ROBO1: variants seen among roughly 807,000 people sequenced by gnomAD.
ROBO1 encodes roundabout guidance receptor 1.
In ROBO1, 149 loss-of-function variants were observed where a neutral mutation model predicts 195.9. That is an observed-to-expected ratio of 0.76 (90% CI 0.67 to 0.87). The LOEUF (loss-of-function observed/expected upper bound fraction) is 0.87, where lower values mean the gene tolerates loss of function less well. Ranked by LOEUF, ROBO1 falls within the 40% of genes least tolerant of loss-of-function variation. The pLI, the probability that ROBO1 is intolerant of heterozygous loss-of-function variation, is 0.00. For synonymous variants in ROBO1, 816 were observed against 733.2 expected, an observed-to-expected ratio of 1.11 and a Z score of -1.82; for missense variants, 1,933 against 2,068.3, an observed-to-expected ratio of 0.93 and a Z score of 1.27.
intron 1 of ROBO1, among the ~76,000 whole-genome samples, chr3:79,710,181 G>C (rs114658997): frequency 1.3e-5 from 2 of 152,088 alleles, no homozygotes; most frequent in African/African-American, 4.8e-5. Flanking sequence ...AGAAATTCTA[G>C]CATAGACCTA....
intron 1 of ROBO1, among the ~76,000 whole-genome samples, chr3:79,670,930 TG>T (rs2106900789): frequency 6.6e-6 from 1 of 151,966 alleles, no homozygotes; most frequent in East Asian, 1.9e-4. Context: ...CTAATGTAAT[TG>T]CTTTGAATAA....
chr3:79,042,463 C>A (rs113752795), intron 3 of ROBO1, among the ~76,000 whole-genome samples: 3 of 152,008 alleles, frequency 2.0e-5, no homozygotes, highest in Non-Finnish European at 4.4e-5. Context: ...TTCTCCACGG[C>A]GCAAAAACCC....
intron 1 of ROBO1, among the ~76,000 whole-genome samples, chr3:79,638,852 A>G (rs892356829): frequency 3.9e-5 from 6 of 152,150 alleles, no homozygotes; most frequent in African/African-American, 1.4e-4. Context: ...AAAACCTAAT[A>G]TTGGCATCAA....
chr3:79,637,896 C>A (rs1262195287), intron 1 of ROBO1, among the ~76,000 whole-genome samples: 1 of 151,994 alleles, frequency 6.6e-6, no homozygotes, highest in East Asian at 1.9e-4. Context: ...TTAAAAAGGA[C>A]TTTTGACTTG....
rs561348942 is a variant in ROBO1, at chr3:78,909,413, G to A, written c.499+29188C>T. 5.3e-5 allele frequency among the ~76,000 whole-genome samples: 8 copies of A among 151,906 alleles called. No homozygotes were observed. The East Asian group carries it at 1.5e-3, about 29-fold the overall frequency. ...AGAAAGGAATATGTAGCCAATGTGA[G>A]TCTTCTACTGTTAATAGCATGAGAG... On this transcript the variant is annotated intron_variant, in intron 4 of 30. Transcript: ENST00000464233.
chr3:79,554,398 AAAT>A (rs1942628310), intron 2 of ROBO1, among the ~76,000 whole-genome samples: 1 of 152,116 alleles, frequency 6.6e-6, no homozygotes, highest in Admixed American at 6.6e-5. Context: ...ACAAAAAATA[AAAT>A]ATTACTACCT....
intron 2 of ROBO1, among the ~76,000 whole-genome samples, chr3:79,302,303 T>C (rs2032999261): frequency 6.6e-6 from 1 of 152,236 alleles, no homozygotes; most frequent in Non-Finnish European, 1.5e-5. Context: ...TGATATTCTC[T>C]CCAATATACA....
intron 2 of ROBO1, among the ~76,000 whole-genome samples, chr3:79,484,755 C>CTTTTTTATTTTTTTTTTTTTT (rs1939062753): frequency 1.5e-5 from 1 of 66,884 alleles, no homozygotes; most frequent in Non-Finnish European, 2.7e-5. Flanking sequence ...ATTGCACTAT[C>CTTTTTTATTTTTTTTTTTTTT]TTTTTTTTTT....
In ROBO1 at chr3:79,650,451, T is replaced by C. The variant is rs1411262987; in HGVS notation, c.-50-60490A>G. ...TAAAAAGGTATTACATATACTGATA[T>C]AATAGGCAAGTTTTATCAAATATTT... On this transcript the variant is annotated intron_variant, in intron 1 of 30. Coordinates refer to ENST00000464233, the MANE Select transcript of ROBO1 (RefSeq NM_002941.4). Among the ~76,000 whole-genome samples the C allele has an allele frequency of 2.0e-5, 3 of 151,830 alleles. No homozygotes were observed. In the East Asian group the frequency reaches 5.8e-4, roughly 29 times the overall value.
At chr3:79,126,181 T>G (rs1450378471) in intron 2 of ROBO1, among the ~76,000 whole-genome samples, 1 of 152,216 alleles carries the variant, frequency 6.6e-6, no homozygotes, top group Non-Finnish European at 1.5e-5. Flanking sequence ...AATGCATGAC[T>G]GAAACACATC....
chr3:79,166,563 T>TTC (rs2081068070), intron 2 of ROBO1, among the ~76,000 whole-genome samples: 1 of 147,458 alleles, frequency 6.8e-6, no homozygotes, highest in African/African-American at 2.6e-5. Context: ...TATTTTTCTT[T>TTC]TTTTTTTTTT....
chr3:79,568,916 T>G (rs1943179847), intron 2 of ROBO1, among the ~76,000 whole-genome samples: 2 of 152,212 alleles, frequency 1.3e-5, no homozygotes, highest in Non-Finnish European at 2.9e-5. Context: ...ACATATAATT[T>G]TGTTACATTT....
rs554687372 is a variant in ROBO1 at position 78,670,028 on chromosome 3, A to G, written c.1548+68T>C. 8.1e-6 allele frequency: 10 copies of G among 1,239,652 alleles called. No individual in the cohort carries two copies. The African/African-American group carries it at 1.4e-4, about 17-fold the overall frequency. The allele number at this position is 1,239,652 out of a possible 1,614,324, so 76.8% of individuals were successfully genotyped here. ...ATTAATTGCAAAGTTAGAAATTTCA[A>G]TGCCAGTTGTTGGAGGCAGAAACAA... On this transcript the variant is annotated intron_variant, in intron 11 of 30. Transcript: ENST00000464233.
chr3:79,688,063 T>C (rs1947183299), intron 1 of ROBO1, among the ~76,000 whole-genome samples: 1 of 151,940 alleles, frequency 6.6e-6, no homozygotes, highest in African/African-American at 2.4e-5. Context: ...GTTCATGTCC[T>C]TTGTAGGGAC....
chr3:79,050,025 A>G (rs1320112142), intron 3 of ROBO1, among the ~76,000 whole-genome samples: 4 of 152,208 alleles, frequency 2.6e-5, no homozygotes, highest in Admixed American at 2.0e-4. Context: ...TAATGACAGG[A>G]TTAAATTCAC....
intron 2 of ROBO1, among the ~76,000 whole-genome samples, chr3:79,428,274 T>A (rs1455610038): frequency 6.6e-6 from 1 of 152,042 alleles, no homozygotes; most frequent in African/African-American, 2.4e-5. Context: ...ACCTACTATG[T>A]ACCCACAAAA....
chr3:79,021,270 C>A (rs1451919222), intron 3 of ROBO1, among the ~76,000 whole-genome samples: 1 of 152,100 alleles, frequency 6.6e-6, no homozygotes, highest in Non-Finnish European at 1.5e-5. Context: ...GAATATATCT[C>A]TTTTTTCTTG....
chr3:78,965,910 T>G (rs1043231192), intron 3 of ROBO1, among the ~76,000 whole-genome samples: 16 of 152,210 alleles, frequency 1.1e-4, no homozygotes, highest in African/African-American at 3.9e-4. Context: ...TTTTGAATAC[T>G]TGAAACTGAA....
At chr3:79,488,563 C>A (rs1446111782) in intron 2 of ROBO1, among the ~76,000 whole-genome samples, 1 of 152,092 alleles carries the variant, frequency 6.6e-6, no homozygotes, top group Non-Finnish European at 1.5e-5. Context: ...GAATAGAAAT[C>A]ATAAAAACCA....
Sources: gnomAD v4.1 joint callset for allele counts (sites outside exome capture counted in the v4.1 genomes callset) on GRCh38, gnomAD v4.1.1 for gene constraint, MANE v1.5 for transcripts, NCBI Gene and HGNC (gene_info 2026-07-23, HGNC 2026-07-21) for gene names.